SMC4: variants seen among roughly 807,000 people sequenced by gnomAD.
The protein encoded by SMC4 is structural maintenance of chromosomes 4.
A neutral mutation model predicts 145.6 loss-of-function variants in SMC4; 87 were observed. The ratio of observed to expected loss-of-function variants is 0.60; its 90% CI spans 0.50 to 0.71. The LOEUF (loss-of-function observed/expected upper bound fraction) is 0.71. Among genes scored for constraint, SMC4 ranks in the 30% least tolerant of loss-of-function variants. The probability of loss-of-function intolerance (pLI) is 0.00; values close to 1 mark genes in which losing one functional copy is unlikely to be tolerated. For synonymous variants in SMC4, 558 were observed against 500.7 expected, an observed-to-expected ratio of 1.11 and a Z score of -1.53; for missense variants, 1,447 against 1,537.1, an observed-to-expected ratio of 0.94 and a Z score of 0.98.
chr3:160,422,564 C>G (rs545603951), intron 13 of SMC4, among the ~76,000 whole-genome samples: 1 of 152,294 alleles, frequency 6.6e-6, no homozygotes, highest in Admixed American at 6.5e-5. Context: ...TAGGATTTCT[C>G]TATTCTGAAT....
rs557099623 is a variant in SMC4 at position 160,431,219 on chromosome 3, CGTTTA to C, written c.3114+20_3114+24del. On this transcript the variant is annotated intron_variant, in intron 20 of 23. Transcript: ENST00000357388. ...TGGCACAAAGAGGTGAGATTGTTAC[CGTTTA>C]GTTTAATTTTAAACATATTCTTTAT... The C allele has an allele frequency of 6.4e-4, 986 of 1,550,772 alleles. 6 individuals carry two copies. The highest frequency in any genetic ancestry group is 3.2e-3 in the South Asian group (265 of 81,724).
chr3:160,403,515 A>G (rs1026999179), intron 4 of SMC4, among the ~76,000 whole-genome samples: 2 of 152,144 alleles, frequency 1.3e-5, no homozygotes, highest in Non-Finnish European at 2.9e-5. Context: ...TAGAAAACTA[A>G]TTACATAATG....
In SMC4 at chr3:160,433,639, T is replaced by G. The variant is rs780243625; in HGVS notation, c.3715-18T>G. ...CCTGTTATTACTTAATGTTTGACTT[T>G]TCTTTGTTTCTCTTTAGGAACAAAC... is the stretch of plus-strand genomic sequence containing the variant. On this transcript the variant is annotated intron_variant, in intron 23 of 23. Transcript: ENST00000357388. 4.1e-6 allele frequency: 6 copies of G among 1,472,804 alleles called. No individual in the cohort carries two copies. Among genetic ancestry groups the G allele is most frequent in the Non-Finnish European group, 5.5e-6 (6 of 1,089,604 alleles). The allele number at this position is 1,472,804 out of a possible 1,614,324, so 91.2% of individuals were successfully genotyped here. A position where few individuals can be genotyped will look rare whatever the true frequency, so the allele number is the denominator to read the frequency against.
chr3:160,400,683 C>G (rs1317472590), intron 1 of SMC4, 139 bp from the exon 2 acceptor site: 1 of 1,132,570 alleles, frequency 8.8e-7, no homozygotes, highest in Admixed American at 4.2e-5. Context: ...CGATGGCTCC[C>G]TTCCCGAAGT....
intron 13 of SMC4, among the ~76,000 whole-genome samples, chr3:160,422,186 A>T (rs1366036397): frequency 6.6e-6 from 1 of 152,210 alleles, no homozygotes; most frequent in Non-Finnish European, 1.5e-5. Flanking sequence ...TTGAGTGAAC[A>T]TGTATTTTCA....
Position 160,400,878 on chromosome 3 carries a change from C to A in SMC4, c.52C>A (p.Pro18Thr). 6.6e-7 allele frequency: 1 copy of A among 1,515,834 alleles called. No individual in the cohort carries two copies. The highest frequency in any genetic ancestry group is 1.4e-5 in the African/African-American group (1 of 69,384). The allele number at this position is 1,515,834 out of a possible 1,614,324, so 93.9% of individuals were successfully genotyped here. A position where few individuals can be genotyped will look rare whatever the true frequency, so the allele number is the denominator to read the frequency against. ...PSTARRREEG[P>T]PPPSPDGASS... ...CACTGCCCGGCGCAGAGAGGAAGGG[C>A]CGCCGCCGCCGTCCCCTGACGGCGC... Residue 18 changes from proline (P) to threonine (T), a missense_variant, in exon 2 of 24, where the codon CCG becomes ACG. Physicochemically the swap from Pro to Thr is conservative, Grantham distance 38. Transcript: ENST00000357388.
At chr3:160,428,688 A>G (rs1718056793) in intron 17 of SMC4, 65 bp from the exon 18 acceptor site, 17 of 1,430,350 alleles carry the variant, frequency 1.2e-5, no homozygotes, top group Non-Finnish European at 1.6e-5. Flanking sequence ...GAAGAAATGT[A>G]CATCTAACAA....
chr3:160,431,060 A>G lies in SMC4; in HGVS notation c.2969A>G (p.His990Arg). 8.1e-6 allele frequency: 13 copies of G among 1,604,864 alleles called. No homozygotes were observed. Among genetic ancestry groups the G allele is most frequent in the Non-Finnish European group, 1.0e-5 (12 of 1,177,622 alleles). Reference protein sequence around the residue: ...EESLPEIQKEHRNLLQELKVI... With the variant: ...EESLPEIQKERRNLLQELKVI... The stretch of plus-strand genomic sequence containing the variant: ...TCCTTACCAGAGATCCAGAAAGAAC[A>G]TCGCAATCTGCTTCAAGAATTAAAA... Residue 990 changes from histidine (H) to arginine (R), a missense_variant, in exon 20 of 24, where the codon CAT (histidine) becomes CGT (arginine). Coordinates refer to ENST00000357388, the MANE Select transcript of SMC4 (RefSeq NM_001002800.3).
chr3:160,427,556 C>CT (rs1354344349), intron 17 of SMC4, among the ~76,000 whole-genome samples: 14 of 152,116 alleles, frequency 9.2e-5, no homozygotes, highest in South Asian at 8.3e-4. Flanking sequence ...CTGCAAGAGT[C>CT]TATATGTGTT....
intron 17 of SMC4, 104 bp from the exon 18 acceptor site, chr3:160,428,649 T>C: frequency 9.5e-7 from 1 of 1,053,592 alleles, no homozygotes; most frequent in East Asian, 2.8e-5. Context: ...AAAATTTGTT[T>C]TAATGCATCA....
Position 160,431,834 on chromosome 3 carries a change from G to A in SMC4, c.3297+9G>A. On this transcript the variant is annotated intron_variant, in intron 21 of 23. Transcript: ENST00000357388. The stretch of plus-strand genomic sequence containing the variant: ...CAGAGTATAAAAAGAAGGTATGAAT[G>A]AACTGTGTATGTATACTAGTTGGAG... The A allele has an allele frequency of 1.2e-6, 2 of 1,609,694 alleles. No individual in the cohort carries two copies. The highest frequency in any genetic ancestry group is 1.7e-6 in the Non-Finnish European group (2 of 1,178,640).
chr3:160,428,198 C>T (rs1269836307), intron 17 of SMC4, among the ~76,000 whole-genome samples: 1 of 152,200 alleles, frequency 6.6e-6, no homozygotes, highest in Non-Finnish European at 1.5e-5. Context: ...CCAAATTATG[C>T]AAGTACTTTT....
Position 160,416,433 on chromosome 3 carries a change from A to G in SMC4, c.1437+18A>G. 2 of 1,341,708 alleles carry G rather than the reference A, an allele frequency of 1.5e-6. No individual in the cohort carries two copies. The highest frequency in any genetic ancestry group is 2.0e-6 in the Non-Finnish European group (2 of 1,002,342). 83.1% of individuals were successfully genotyped at this position (1,341,708 alleles called of 1,614,324 possible). ...AAAAAGAAGTAAGTTTTTTTTTTTT[A>G]TCAGTGTTTATTTTGGTGGCTTTTT... is the stretch of plus-strand genomic sequence containing the variant. On this transcript the variant is annotated intron_variant, in intron 10 of 23. Transcript: ENST00000357388.
At chr3:160,429,286 AAG>A (rs1718120800) in intron 18 of SMC4, among the ~76,000 whole-genome samples, 2 of 152,082 alleles carry the variant, frequency 1.3e-5, no homozygotes, top group South Asian at 4.1e-4. Context: ...GAATAAGTAA[AAG>A]AGGTAAAAAT....
rs778663691 is a variant in SMC4, at chr3:160,417,742, T to G, written c.1457T>G (p.Met486Arg). 2 of 1,611,916 alleles carry G rather than the reference T, an allele frequency of 1.2e-6. No homozygotes were observed. Reference protein sequence around the residue: ...KEKESREKELMGFSKSVNEAR... With the variant: ...KEKESREKELRGFSKSVNEAR... ...TAACAGAGTCGAGAGAAAGAACTTATGGGTTTCAGCAAATCGGTAAATGAA... is the reference window on the plus strand; with the variant it reads ...TAACAGAGTCGAGAGAAAGAACTTAGGGGTTTCAGCAAATCGGTAAATGAA... The change falls in exon 11 of 24, where the codon ATG becomes AGG. Residue 486 changes from methionine (M) to arginine (R), a missense_variant. Met to Arg is a moderately conservative substitution (Grantham distance 91, BLOSUM62 -1). Transcript: ENST00000357388.
intron 4 of SMC4, among the ~76,000 whole-genome samples, chr3:160,403,530 T>C (rs1166942635): frequency 6.6e-6 from 1 of 152,094 alleles, no homozygotes; most frequent in East Asian, 1.9e-4. Flanking sequence ...ATAATGAAAT[T>C]GGGAGGTGAT....
rs1715047630 is a variant in SMC4, at chr3:160,404,221, G to A, written c.511-107G>A. 2.9e-6 allele frequency: 3 copies of A among 1,041,002 alleles called. No homozygotes were observed. The South Asian group carries it at 4.7e-5, about 16-fold the overall frequency. 64.5% of individuals were successfully genotyped at this position (1,041,002 alleles called of 1,614,324 possible). A position where few individuals can be genotyped will look rare whatever the true frequency, so the allele number is the denominator to read the frequency against. ...CAGTTTGTGTGCATGTTCAATTGAAGTTTTTAATCCATAGAATTAGTTTCA... is the reference window on the plus strand; with the variant it reads ...CAGTTTGTGTGCATGTTCAATTGAAATTTTTAATCCATAGAATTAGTTTCA... On this transcript the variant is annotated intron_variant, in intron 4 of 23. Coordinates refer to ENST00000357388, the MANE Select transcript of SMC4 (RefSeq NM_001002800.3).
intron 17 of SMC4, among the ~76,000 whole-genome samples, chr3:160,427,795 A>G (rs981865867): frequency 6.6e-5 from 10 of 152,216 alleles, no homozygotes; most frequent in Admixed American, 2.6e-4. Flanking sequence ...TTTATATTTA[A>G]GATAAATTGG....
chr3:160,426,316 C>G, intron 17 of SMC4, 116 bp downstream of exon 17: 1 of 770,936 alleles, frequency 1.3e-6, no homozygotes, highest in Non-Finnish European at 2.2e-6. Flanking sequence ...AGTCATTGCA[C>G]TATTTTATGG....
Sources: allele counts gnomAD v4.1 joint callset (sites outside exome capture counted in the v4.1 genomes callset), GRCh38; gene constraint gnomAD v4.1.1; transcripts MANE v1.5; gene names NCBI Gene and HGNC (gene_info 2026-07-23, HGNC 2026-07-21).